Variants in PABPC4L observed in about 807,000 individuals in gnomAD.
PABPC4L encodes polyadenylate-binding protein 4-like.
For missense variants in PABPC4L, 452 were observed against 451.4 expected, an observed-to-expected ratio of 1.00 and a Z score of -0.01; for synonymous variants, 169 against 164.1, an observed-to-expected ratio of 1.03 and a Z score of -0.23.
At chr4:133,968,330 A>G in the PABPC4L span, among the ~76,000 whole-genome samples, 1 of 152,220 alleles carries the variant, frequency 6.6e-6, no homozygotes, top group Non-Finnish European at 1.5e-5. Context: ...AGACTGGGAA[A>G]AAACATCCTC....
At chr4:134,041,673 C>T in the PABPC4L span, among the ~76,000 whole-genome samples, 8 of 151,898 alleles carry the variant, frequency 5.3e-5, no homozygotes, top group African/African-American at 1.9e-4. Flanking sequence ...TGTAACAAAC[C>T]TGCACCTTCT....
chr4:134,093,231 CT>C, the PABPC4L span, among the ~76,000 whole-genome samples: 18 of 150,166 alleles, frequency 1.2e-4, no homozygotes, highest in Admixed American at 4.6e-4. Context: ...TTTGTGCTTT[CT>C]TTTAATTTAT....
chr4:134,190,799 A>C, the PABPC4L span, among the ~76,000 whole-genome samples: 1 of 151,870 alleles, frequency 6.6e-6, no homozygotes, highest in Non-Finnish European at 1.5e-5. Context: ...TTACAGGTGC[A>C]CCTCACCACG....
chr4:134,040,239 A>G, the PABPC4L span, among the ~76,000 whole-genome samples: 3 of 151,710 alleles, frequency 2.0e-5, no homozygotes, highest in African/African-American at 4.8e-5. Flanking sequence ...TAAAGTTCAT[A>G]TGGAACCAAA....
chr4:133,991,217 T>G, the PABPC4L span, among the ~76,000 whole-genome samples: 16 of 152,190 alleles, frequency 1.1e-4, no homozygotes, highest in Non-Finnish European at 1.9e-4. Flanking sequence ...AGAGATGTTC[T>G]CTCACATCCT....
At chr4:134,146,925 C>A in the PABPC4L span, among the ~76,000 whole-genome samples, 16 of 151,942 alleles carry the variant, frequency 1.1e-4, no homozygotes, top group Non-Finnish European at 1.5e-5. Context: ...TTTAAACTAC[C>A]CTTGGCTTGA....
chr4:134,006,914 GTGTTGATAC>G, the PABPC4L span, among the ~76,000 whole-genome samples: 1 of 151,292 alleles, frequency 6.6e-6, no homozygotes, highest in Non-Finnish European at 1.5e-5. Flanking sequence ...AAAAAAAATT[GTGTTGATAC>G]TGCAAGTTGT....
At chr4:133,985,417 G>C in the PABPC4L span, among the ~76,000 whole-genome samples, 1 of 151,826 alleles carries the variant, frequency 6.6e-6, no homozygotes, top group Non-Finnish European at 1.5e-5. Flanking sequence ...CTATAAGCAG[G>C]AAAAAGCATG....
the PABPC4L span, among the ~76,000 whole-genome samples, chr4:134,097,888 T>C: frequency 6.6e-6 from 1 of 151,890 alleles, no homozygotes; most frequent in Non-Finnish European, 1.5e-5. Flanking sequence ...ATTGAGAAAC[T>C]TGTTTGGACT....
the PABPC4L span, among the ~76,000 whole-genome samples, chr4:134,047,236 G>T: frequency 6.6e-6 from 1 of 152,110 alleles, no homozygotes; most frequent in Non-Finnish European, 1.5e-5. Flanking sequence ...AGAAAGAATT[G>T]GTCACTACTA....
the PABPC4L span, chr4:133,978,986 T>C: frequency 6.6e-6 from 1 of 152,178 alleles, no homozygotes; most frequent in Non-Finnish European, 1.5e-5. Flanking sequence ...GACGCAATTA[T>C]AGTAGCAACA....
chr4:134,014,514 C>A, the PABPC4L span, among the ~76,000 whole-genome samples: 2 of 152,142 alleles, frequency 1.3e-5, no homozygotes, highest in East Asian at 3.9e-4. Context: ...AAGCTGTGTC[C>A]CATCTGTGTG....
the PABPC4L span, among the ~76,000 whole-genome samples, chr4:134,116,119 T>C: frequency 6.6e-6 from 1 of 151,936 alleles, no homozygotes; most frequent in Non-Finnish European, 1.5e-5. Context: ...GAACAATTAA[T>C]AGGCAGAAGC....
the PABPC4L span, among the ~76,000 whole-genome samples, chr4:134,172,340 T>C: frequency 0.012 from 1,812 of 152,004 alleles, 9 homozygotes; most frequent in Non-Finnish European, 0.016. Context: ...TAAAACAGCA[T>C]AGAGAGCCCA....
chr4:134,121,496 G>A, the PABPC4L span, among the ~76,000 whole-genome samples: 2 of 151,508 alleles, frequency 1.3e-5, no homozygotes, highest in African/African-American at 4.8e-5. Context: ...GAGATGGTTC[G>A]GAGCTAAATT....
the PABPC4L span, among the ~76,000 whole-genome samples, chr4:134,113,847 C>A: frequency 6.6e-6 from 1 of 151,760 alleles, no homozygotes; most frequent in Non-Finnish European, 1.5e-5. Context: ...GAGAGAAGGT[C>A]ATTTTCAAGC....
At chr4:133,979,811 G>T in the PABPC4L span, among the ~76,000 whole-genome samples, 1 of 151,834 alleles carries the variant, frequency 6.6e-6, no homozygotes, top group Non-Finnish European at 1.5e-5. Context: ...ATTAATTTTG[G>T]CATGAATTTT....
the PABPC4L span, among the ~76,000 whole-genome samples, chr4:134,069,812 T>C: frequency 6.6e-6 from 1 of 152,112 alleles, no homozygotes; most frequent in African/African-American, 2.4e-5. Context: ...CTGAGTTCTA[T>C]TTCTGTCATT....
At chr4:133,973,651 C>T in the PABPC4L span, among the ~76,000 whole-genome samples, 5 of 152,090 alleles carry the variant, frequency 3.3e-5, no homozygotes, top group African/African-American at 1.2e-4. Context: ...CTCCACATCA[C>T]AGGGAATTAT....
Sources: allele counts gnomAD v4.1 joint callset (sites outside exome capture counted in the v4.1 genomes callset), GRCh38; gene constraint gnomAD v4.1.1; transcripts MANE v1.5; gene names NCBI Gene and HGNC (gene_info 2026-07-23, HGNC 2026-07-21).